ACYP2: variants seen among roughly 807,000 people sequenced by gnomAD.
ACYP2 encodes acylphosphatase-2.
A neutral mutation model predicts 11.2 loss-of-function variants in ACYP2; 12 were observed. The observed-to-expected ratio is 1.08, with a 90% CI of 0.69 to 1.74. ACYP2 has a LOEUF of 1.74. Ranked by LOEUF, ACYP2 falls within the 40% of genes most tolerant of loss-of-function variation. The pLI is 0.00. For missense variants in ACYP2, 134 were observed against 101.9 expected (o/e 1.31, Z -1.35); for synonymous variants, 43 against 32.2 (o/e 1.33, Z -1.13).
At chr2:54,146,283 T>C (rs1046609449) in intron 6 of ACYP2, among the ~76,000 whole-genome samples, 10 of 152,190 alleles carry the variant, frequency 6.6e-5, no homozygotes, top group African/African-American at 2.4e-4. Context: ...ATATTCCACT[T>C]ATCTCTCTTC....
intron 6 of ACYP2, chr2:54,142,026 G>A: frequency 1.2e-5 from 4 of 332,672 alleles, no homozygotes; most frequent in African/African-American, 4.6e-5. Context: ...TTTTGTTGTT[G>A]TTGTTGTTGT....
rs560236367 is a variant in ACYP2, at chr2:53,971,175, C to G, written c.-183C>G. On this transcript the variant is annotated 5_prime_UTR_variant, in exon 1 of 7. Coordinates refer to ENST00000607452, the MANE Select transcript of ACYP2 (RefSeq NM_001320586.2). The stretch of plus-strand genomic sequence containing the variant: ...TCGCCGTGGGCCCGGCTCGGAGCCC[C>G]CACCCCAGGCCTCACCGGCCCAGCG... The G allele has an allele frequency of 5.5e-6, 1 of 180,908 alleles. No individual in the cohort carries two copies. The highest frequency in any genetic ancestry group is 1.1e-5 in the Non-Finnish European group (1 of 87,454). The allele number at this position is 180,908 out of a possible 1,614,324, so 11.2% of individuals were successfully genotyped here.
At chr2:54,120,651 A>C (rs1385599926) in intron 4 of ACYP2, among the ~76,000 whole-genome samples, 1 of 152,112 alleles carries the variant, frequency 6.6e-6, no homozygotes, top group African/African-American at 2.4e-5. Flanking sequence ...GCTTGGGCCC[A>C]CTGGGCTTAC....
At chr2:54,075,320 G>C (rs1188584374) in intron 4 of ACYP2, among the ~76,000 whole-genome samples, 1 of 152,076 alleles carries the variant, frequency 6.6e-6, no homozygotes, top group Non-Finnish European at 1.5e-5. Context: ...GCAACATGGT[G>C]AAACCCCGTT....
intron 6 of ACYP2, among the ~76,000 whole-genome samples, chr2:54,223,614 T>C (rs763324889): frequency 2.7e-4 from 41 of 152,348 alleles, no homozygotes; most frequent in Admixed American, 1.2e-3. Flanking sequence ...TTTCCACTTC[T>C]GGATAAGCCA....
intron 6 of ACYP2, among the ~76,000 whole-genome samples, chr2:54,207,824 A>ATTG (rs2103923899): frequency 6.6e-6 from 1 of 152,200 alleles, no homozygotes; most frequent in South Asian, 2.1e-4. Flanking sequence ...CTGCAATGGT[A>ATTG]TTGTTCTAGT....
At chr2:54,061,561 A>C (rs1676470040) in intron 4 of ACYP2, among the ~76,000 whole-genome samples, 1 of 152,208 alleles carries the variant, frequency 6.6e-6, no homozygotes. Context: ...TGTTGGACAT[A>C]CTAGAAACCA....
chr2:54,257,054 T>G (rs1397826750), intron 6 of ACYP2, among the ~76,000 whole-genome samples: 1 of 152,128 alleles, frequency 6.6e-6, no homozygotes, highest in Non-Finnish European at 1.5e-5. Context: ...CCCTTTACCT[T>G]AGTGTTTTTC....
intron 4 of ACYP2, among the ~76,000 whole-genome samples, chr2:54,081,383 C>T (rs542579230): frequency 5.3e-5 from 8 of 152,184 alleles, no homozygotes; most frequent in African/African-American, 1.7e-4. Flanking sequence ...GCCTAGAAAA[C>T]GGTAGCCCCA....
At chr2:54,121,865 C>G (rs72906778) in intron 4 of ACYP2, among the ~76,000 whole-genome samples, 12,721 of 152,198 alleles carry the variant, frequency 0.084, 649 homozygotes, top group African/African-American at 0.14. Flanking sequence ...TTTCATATCC[C>G]CTACACGGCT....
intron 6 of ACYP2, among the ~76,000 whole-genome samples, chr2:54,182,121 A>G (rs1683765061): frequency 7.5e-6 from 1 of 133,746 alleles, no homozygotes; most frequent in Non-Finnish European, 1.5e-5. Flanking sequence ...GTATGGTGGC[A>G]CAATCTCAGC....
At chr2:54,074,578 TTGTGTGTGTGTG>T (rs59845178) in intron 4 of ACYP2, among the ~76,000 whole-genome samples, 16,947 of 145,910 alleles carry the variant, frequency 0.12, 934 homozygotes, top group East Asian at 0.21. Flanking sequence ...AGAACAGAAT[TTGTGTGTGTGTG>T]TGTGTGTGTG....
chr2:54,125,744 A>G (rs921049900), intron 4 of ACYP2, among the ~76,000 whole-genome samples: 4 of 140,254 alleles, frequency 2.9e-5, no homozygotes, highest in Non-Finnish European at 6.1e-5. Flanking sequence ...GAACGAGACT[A>G]TGTCTCAAAA....
At chr2:53,990,141 G>A (rs1672218148) in intron 2 of ACYP2, among the ~76,000 whole-genome samples, 1 of 151,526 alleles carries the variant, frequency 6.6e-6, no homozygotes, top group South Asian at 2.1e-4. Flanking sequence ...ACTACACCTG[G>A]CTAATTTTTG....
At chr2:54,046,228 C>A (rs949394620) in intron 2 of ACYP2, among the ~76,000 whole-genome samples, 1 of 146,808 alleles carries the variant, frequency 6.8e-6, no homozygotes, top group African/African-American at 2.5e-5. Context: ...GTAATCCCAG[C>A]AATTTGGGGG....
intron 4 of ACYP2, among the ~76,000 whole-genome samples, chr2:54,072,359 GCAGTGGCATAATCA>G (rs550400552): frequency 0.013 from 2,015 of 152,136 alleles, 21 homozygotes; most frequent in Non-Finnish European, 0.019. Flanking sequence ...AGGCTGGAGT[GCAGTGGCATAATCA>G]CAGTTCACTG....
At chr2:54,077,205 A>G (rs1434647911) in intron 4 of ACYP2, among the ~76,000 whole-genome samples, 1 of 152,220 alleles carries the variant, frequency 6.6e-6, no homozygotes, top group Non-Finnish European at 1.5e-5. Context: ...TGGAAATGGA[A>G]GAAGTCCTAG....
chr2:54,028,932 G>A (rs1674438355), intron 2 of ACYP2, among the ~76,000 whole-genome samples: 1 of 152,166 alleles, frequency 6.6e-6, no homozygotes. Context: ...CTGGTGGCTG[G>A]AGGATCATTG....
At chr2:54,131,266 C>T (rs12713254) in intron 4 of ACYP2, among the ~76,000 whole-genome samples, 2,294 of 152,296 alleles carry the variant, frequency 0.015, 74 homozygotes, top group African/African-American at 0.053. Flanking sequence ...CTTAACACTG[C>T]AACACATAGT....
Sources: allele counts gnomAD v4.1 joint callset (sites outside exome capture counted in the v4.1 genomes callset), GRCh38; gene constraint gnomAD v4.1.1; transcripts MANE v1.5; gene names NCBI Gene and HGNC (gene_info 2026-07-23, HGNC 2026-07-21).